SLC31A2: variants seen among roughly 807,000 people sequenced by gnomAD.
SLC31A2 encodes solute carrier family 31 member 2, also known as protein SLC31A2.
Under a neutral mutation model 14.4 loss-of-function variants are expected in SLC31A2, and 16 were observed. That is an observed-to-expected ratio of 1.11 (90% confidence interval 0.75 to 1.69). The LOEUF (loss-of-function observed/expected upper bound fraction) is 1.69, where lower values mean the gene tolerates loss of function less well. SLC31A2 is among the 40% of genes most tolerant of loss of function. The pLI is 0.00. For synonymous variants in SLC31A2, 56 were observed against 68.7 expected (o/e 0.82, Z 0.91); for missense variants, 140 against 173.9 (o/e 0.81, Z 1.10).
intron 1 of SLC31A2, among the ~76,000 whole-genome samples, chr9:113,155,213 C>T (rs1178154260): frequency 2.0e-5 from 3 of 152,190 alleles, no homozygotes; most frequent in Non-Finnish European, 4.4e-5. Flanking sequence ...ATGCTGCCAC[C>T]AACTCACAGT....
In SLC31A2 at chr9:113,161,542, T is replaced by G; in HGVS notation, c.107T>G (p.Leu36Arg). ...MALSVLVLLL[L>R]AVLYEGIKVG... ...CTTTCGGTGTTGGTGCTCCTGCTTC[T>G]GGCTGTACTGTATGAAGGCATCAAG... Residue 36 changes from leucine (L) to arginine (R), a missense_variant, in exon 3 of 4, where the codon CTG (leucine) becomes CGG (arginine). Physicochemically the swap from Leu to Arg is moderately radical, Grantham distance 102. Coordinates refer to ENST00000259392, the MANE Select transcript of SLC31A2 (RefSeq NM_001860.3). 1.2e-6 allele frequency: 2 copies of G among 1,614,030 alleles called. No individual in the cohort carries two copies. Among genetic ancestry groups the G allele is most frequent in the East Asian group, 2.2e-5 (1 of 44,888 alleles).
rs374995012 is a variant in SLC31A2 at position 113,151,031 on chromosome 9, C to T, written c.-44C>T. 8.2e-5 allele frequency: 106 copies of T among 1,298,446 alleles called. No individual in the cohort carries two copies. In the Middle Eastern group the frequency reaches 8.6e-4, roughly 11 times the overall value. 80.4% of individuals were successfully genotyped at this position (1,298,446 alleles called of 1,614,324 possible). ...TGAACTGACTCGGAGCGAGGAGACC[C>T]GAGCGAGCAGACGCGGCCCTGGCGC... On this transcript the variant is annotated 5_prime_UTR_variant, in exon 1 of 4. Coordinates refer to ENST00000259392, the MANE Select transcript of SLC31A2 (RefSeq NM_001860.3). This position sits in a 1 kb window ranked among gnomAD's most constrained non-coding sequence, Gnocchi z 4.2.
chr9:113,156,596 A>G (rs776017588), intron 1 of SLC31A2, among the ~76,000 whole-genome samples: 9 of 152,160 alleles, frequency 5.9e-5, no homozygotes, highest in African/African-American at 1.7e-4. Context: ...GCTGATTACA[A>G]CTCAGCCAGG....
At position 113,161,598 on chromosome 9, in the gene SLC31A2, C is replaced by G; in HGVS notation, c.163C>G (p.Leu55Val). The G allele has an allele frequency of 6.2e-7, 1 of 1,614,024 alleles. No individual in the cohort carries two copies. The highest frequency in any genetic ancestry group is 2.2e-5 in the East Asian group (1 of 44,880). Residue 55 changes from leucine to valine, a missense_variant, in exon 3 of 4, where the codon CTG becomes GTG. Transcript: ENST00000259392. Reference protein sequence around the residue: ...VGKAKLLNQVLVNLPTSISQQ... With the variant: ...VGKAKLLNQVVVNLPTSISQQ... ...CAAAGCCAAGCTGCTCAACCAGGTA[C>G]TGGTGAACCTGCCAACCTCCATCAG...
In SLC31A2 at chr9:113,162,977, C is replaced by G; in HGVS notation, c.*60C>G. 2 of 1,418,222 alleles carry G rather than the reference C, an allele frequency of 1.4e-6. No homozygotes were observed. Among genetic ancestry groups the G allele is most frequent in the Non-Finnish European group, 1.9e-6 (2 of 1,061,114 alleles). The allele number at this position is 1,418,222 out of a possible 1,614,324, so 87.9% of individuals were successfully genotyped here. On this transcript the variant is annotated 3_prime_UTR_variant, in exon 4 of 4. Transcript: ENST00000259392. ...GACATGGAGCCCCCTCTTCCAGACA[C>G]TATACTTCCAACTGCCCTTTCTTCT... is the stretch of plus-strand genomic sequence containing the variant.
rs770110544 is a variant in SLC31A2 at position 113,161,675 on chromosome 9, C to A, written c.240C>A (p.Phe80Leu). 6.2e-7 allele frequency: 1 copy of A among 1,613,870 alleles called. No homozygotes were observed. The highest frequency in any genetic ancestry group is 1.3e-5 in the African/African-American group (1 of 74,912). Reference protein sequence around the residue: ...TDGDSAGSDSFPVGRTHHRWY... With the variant: ...TDGDSAGSDSLPVGRTHHRWY... ...GGGACTCTGCAGGCTCAGATTCATTCCCTGTTGGCAGAACCCACCACAGGT... is the reference window on the plus strand; with the variant it reads ...GGGACTCTGCAGGCTCAGATTCATTACCTGTTGGCAGAACCCACCACAGGT... The change falls in exon 3 of 4, where the codon TTC (phenylalanine) becomes TTA (leucine). Residue 80 changes from phenylalanine to leucine, a missense_variant. Transcript: ENST00000259392.
In SLC31A2 at chr9:113,151,242, G is replaced by A. The variant is rs948724232; in HGVS notation, c.6+162G>A. 1.1e-4 allele frequency among the ~76,000 whole-genome samples: 16 copies of A among 152,176 alleles called. No homozygotes were observed. The highest frequency in any genetic ancestry group is 7.2e-4 in the Admixed American group (11 of 15,282). ...TGGAACAGGGTTGGGGGACGCGGCA[G>A]GTATAGGTTGCGGTGGCTCTGTGGT... On this transcript the variant is annotated intron_variant, in intron 1 of 3. Transcript: ENST00000259392. The surrounding 1 kb of genome is among the most constrained non-coding windows in gnomAD (Gnocchi z 4.2).
At chr9:113,160,037 C>T (rs941396301) in intron 2 of SLC31A2, among the ~76,000 whole-genome samples, 12 of 151,912 alleles carry the variant, frequency 7.9e-5, no homozygotes, top group Non-Finnish European at 1.6e-4. Context: ...ATTAGCCAGG[C>T]GTGGTGGGGG....
rs774885682 is a variant in SLC31A2 at position 113,151,043 on chromosome 9, C to T, written c.-32C>T. 6 of 1,303,662 alleles carry T rather than the reference C, an allele frequency of 4.6e-6. No homozygotes were observed. Among genetic ancestry groups the T allele is most frequent in the African/African-American group, 3.0e-5 (2 of 66,034 alleles). 80.8% of individuals were successfully genotyped at this position (1,303,662 alleles called of 1,614,324 possible). On this transcript the variant is annotated 5_prime_UTR_variant, in exon 1 of 4. It adds an upstream start codon to the 5' untranslated region. Coordinates refer to ENST00000259392, the MANE Select transcript of SLC31A2 (RefSeq NM_001860.3). This position sits in a 1 kb window ranked among gnomAD's most constrained non-coding sequence, Gnocchi z 4.2. ...GAGCGAGGAGACCCGAGCGAGCAGA[C>T]GCGGCCCTGGCGCCCGCCCTGCGCA...
chr9:113,160,327 G>A (rs950492222), intron 2 of SLC31A2, among the ~76,000 whole-genome samples: 5 of 149,038 alleles, frequency 3.4e-5, no homozygotes, highest in African/African-American at 1.2e-4. Context: ...TGTGTTCACA[G>A]CAGCTGGAAG....
Position 113,162,795 on chromosome 9 carries a change from G to C in SLC31A2, c.310G>C (p.Val104Leu). The C allele has an allele frequency of 6.2e-7, 1 of 1,613,706 alleles. No individual in the cohort carries two copies. Among genetic ancestry groups the C allele is most frequent in the Non-Finnish European group, 8.5e-7 (1 of 1,179,794 alleles). The change falls in exon 4 of 4, where the codon GTG becomes CTG. Residue 104 changes from valine (V) to leucine (L), a missense_variant. Transcript: ENST00000259392. ...CCAGTCTCTAATCCATGTCATCCAG[G>C]TGGTCATCGGCTACTTCATCATGCT... ...FGQSLIHVIQ[V>L]VIGYFIMLAV...
rs1413366303 is a variant in SLC31A2 at position 113,163,184 on chromosome 9, G to A, written c.*267G>A. 2 of 285,836 alleles carry A rather than the reference G, an allele frequency of 7.0e-6. No individual in the cohort carries two copies. The highest frequency in any genetic ancestry group is 1.3e-5 in the Non-Finnish European group (2 of 154,202). 17.7% of individuals were successfully genotyped at this position (285,836 alleles called of 1,614,324 possible). On this transcript the variant is annotated 3_prime_UTR_variant, in exon 4 of 4. Coordinates refer to ENST00000259392, the MANE Select transcript of SLC31A2 (RefSeq NM_001860.3). ...ACCAAAGGGAGAATGGAGATAACAG[G>A]GGTGGCAGGGTTACTGAGCCCATGA...
rs893701534 is a variant in SLC31A2 at position 113,151,176 on chromosome 9, C to A, written c.6+96C>A. The A allele has an allele frequency of 1.1e-4, 132 of 1,211,082 alleles. No homozygotes were observed. The highest frequency in any genetic ancestry group is 1.3e-4 in the Non-Finnish European group (127 of 950,806). The allele number at this position is 1,211,082 out of a possible 1,614,324, so 75.0% of individuals were successfully genotyped here. ...ACCCCGAATCCTCGCTGCCGCTGGC[C>A]CGGGGCTGGTGAAGGGTGTGTTGGC... On this transcript the variant is annotated intron_variant, in intron 1 of 3. Coordinates refer to ENST00000259392, the MANE Select transcript of SLC31A2 (RefSeq NM_001860.3). This position sits in a 1 kb window ranked among gnomAD's most constrained non-coding sequence, Gnocchi z 4.2.
intron 1 of SLC31A2, chr9:113,156,050 C>T (rs1823532794): frequency 1.9e-6 from 1 of 518,788 alleles, no homozygotes; most frequent in African/African-American, 1.9e-5. Context: ...GTTTGTGGCT[C>T]TGGTTTCCAG....
chr9:113,158,001 CAAAGGCCG>C, intron 2 of SLC31A2: 1 of 654,900 alleles, frequency 1.5e-6, no homozygotes, highest in Non-Finnish European at 2.9e-6. Flanking sequence ...CTGATCCTCA[CAAAGGCCG>C]AGAGGCAGGG....
chr9:113,157,902 C>T, intron 2 of SLC31A2, 109 bp downstream of exon 2: 1 of 809,714 alleles, frequency 1.2e-6, no homozygotes, highest in East Asian at 2.7e-5. Flanking sequence ...AGGCTGATTC[C>T]TCTGGCATAA....
intron 3 of SLC31A2, chr9:113,162,463 T>G (rs549723008): frequency 7.0e-6 from 2 of 285,862 alleles, no homozygotes; most frequent in South Asian, 5.7e-5. Context: ...CTCTTATTCC[T>G]TATCAGAAAG....
intron 2 of SLC31A2, among the ~76,000 whole-genome samples, chr9:113,160,800 G>A (rs1408945117): frequency 8.5e-5 from 13 of 152,268 alleles, no homozygotes; most frequent in Middle Eastern, 3.4e-3. Flanking sequence ...CATCTCATTA[G>A]CATATAAAAA....
chr9:113,159,499 T>C (rs1829978199), intron 2 of SLC31A2, among the ~76,000 whole-genome samples: 1 of 152,168 alleles, frequency 6.6e-6, no homozygotes, highest in Non-Finnish European at 1.5e-5. Context: ...TTACCTATAA[T>C]TTTATGTTTT....
Sources: gnomAD v4.1 joint callset for allele counts (sites outside exome capture counted in the v4.1 genomes callset) on GRCh38, gnomAD v4.1.1 for gene constraint, Gnocchi (gnomAD v3.1) non-coding constraint, MANE v1.5 for transcripts, NCBI Gene and HGNC (gene_info 2026-07-23, HGNC 2026-07-21) for gene names.